Variants in ARSG observed in about 807,000 individuals in gnomAD.
The protein encoded by ARSG is arylsulfatase G.
Under a neutral mutation model 50.5 loss-of-function variants are expected in ARSG, and 37 were observed. The observed-to-expected ratio is 0.73, with a 90% CI of 0.56 to 0.96. ARSG has a LOEUF of 0.96. Ranked by LOEUF, ARSG falls within the 50% of genes least tolerant of loss-of-function variation. The pLI is 0.00. For missense variants in ARSG, 629 were observed against 675.3 expected, an observed-to-expected ratio of 0.93 and a Z score of 0.76; for synonymous variants, 225 against 254.6, an observed-to-expected ratio of 0.88 and a Z score of 1.11.
At chr17:68,406,035 GC>G (rs760964862) in intron 11 of ARSG, among the ~76,000 whole-genome samples, 2 of 151,866 alleles carry the variant, frequency 1.3e-5, no homozygotes, top group African/African-American at 2.4e-5. Context: ...TTCATCCCTT[GC>G]CCCCTCCCAC....
intron 1 of ARSG, chr17:68,277,993 T>TG: frequency 1.3e-6 from 1 of 775,240 alleles, no homozygotes; most frequent in Non-Finnish European, 2.1e-6. Context: ...TATAAGGGAA[T>TG]GAAAGCATCA....
downstream of ARSG, chr17:68,426,240 G>A: frequency 1.8e-6 from 2 of 1,131,484 alleles, no homozygotes; most frequent in Non-Finnish European, 2.6e-6. Context: ...TGACCTGGCG[G>A]GTGGGGAGCG....
the ARSG span, among the ~76,000 whole-genome samples, chr17:68,447,296 T>C: frequency 2.6e-5 from 4 of 152,192 alleles, no homozygotes; most frequent in African/African-American, 9.7e-5. Context: ...ATAAAATATA[T>C]TTCCTCAGTT....
Position 68,403,180 on chromosome 17 carries a change from G to A in ARSG, c.1303+1730G>A, listed in dbSNP as rs150981761. Among the ~76,000 whole-genome samples the A allele has an allele frequency of 1.7e-3, 259 of 152,186 alleles. 2 individuals are homozygous for A. The highest frequency in any genetic ancestry group is 5.8e-3 in the African/African-American group (240 of 41,528). On this transcript the variant is annotated intron_variant, in intron 11 of 11. Transcript: ENST00000621439. ...ACTCAGTCAGATATTTGTTGTTTTC[G>A]GTTGAAAAGTTTCTAGATTAGAGTC... is the stretch of plus-strand genomic sequence containing the variant.
the ARSG span, among the ~76,000 whole-genome samples, chr17:68,450,218 A>G: frequency 6.6e-6 from 1 of 152,216 alleles, no homozygotes; most frequent in Admixed American, 6.5e-5. Flanking sequence ...ATGAGAACCC[A>G]AGGCTGAATA....
At position 68,367,492 on chromosome 17, in the gene ARSG, C is replaced by CA. The variant is rs2079600591; in HGVS notation, c.705-1056_705-1055insA. ...CCCTTGTTTGGTGTCCTCTGAAAGACCCCCCATGGATGGATCTGTGGGAGA... is the reference window on the plus strand; with the variant it reads ...CCCTTGTTTGGTGTCCTCTGAAAGACACCCCCATGGATGGATCTGTGGGAGA... On this transcript the variant is annotated intron_variant, in intron 6 of 11. Coordinates refer to ENST00000621439, the MANE Select transcript of ARSG (RefSeq NM_001267727.2). The surrounding 1 kb of genome is among the most constrained non-coding windows in gnomAD (Gnocchi z 4.5). Among the ~76,000 whole-genome samples, 1 of 152,142 alleles carries CA rather than the reference C, an allele frequency of 6.6e-6. No homozygotes were observed. Among genetic ancestry groups the CA allele is most frequent in the African/African-American group, 2.4e-5 (1 of 41,440 alleles).
chr17:68,419,954 G>A (rs2082659993), intron 11 of ARSG, among the ~76,000 whole-genome samples: 1 of 152,088 alleles, frequency 6.6e-6, no homozygotes, highest in African/African-American at 2.4e-5. Context: ...GCCAGACCCT[G>A]CCTCAAAAAA....
Position 68,368,684 on chromosome 17 carries a change from G to C in ARSG, c.841G>C (p.Gly281Arg). 6.2e-7 allele frequency: 1 copy of C among 1,614,090 alleles called. No homozygotes were observed. The highest frequency in any genetic ancestry group is 8.5e-7 in the Non-Finnish European group (1 of 1,179,986). ...GCTCTGGGAGATGGACAGTCTGGTG[G>C]GCCAGATCAAGGACAAAGTTGACCA... ...AGLWEMDSLV[G>R]QIKDKVDHTV... The change falls in exon 7 of 12, where the codon GGC (glycine) becomes CGC (arginine). Residue 281 changes from glycine (G) to arginine (R), a missense_variant. By Grantham distance (125) the Gly-to-Arg change is moderately radical. Transcript: ENST00000621439.
At chr17:68,344,628 G>C (rs2078424578) in intron 3 of ARSG, among the ~76,000 whole-genome samples, 1 of 152,256 alleles carries the variant, frequency 6.6e-6, no homozygotes. Flanking sequence ...AGGTATATCT[G>C]TTCCCAGCCT....
At chr17:68,304,302 G>A (rs2076527163) in intron 1 of ARSG, among the ~76,000 whole-genome samples, 2 of 152,232 alleles carry the variant, frequency 1.3e-5, no homozygotes, top group Non-Finnish European at 2.9e-5. Flanking sequence ...CCTGAAAAGG[G>A]AGATGCCTTT....
At chr17:68,427,517 T>C (rs1600267438), downstream of ARSG, 1 of 264,076 alleles carries the variant, frequency 3.8e-6, no homozygotes, top group East Asian at 1.0e-4. Flanking sequence ...CCACAGCGCC[T>C]GGCTAATTTT....
chr17:68,398,018 C>T (rs1405135409), intron 10 of ARSG, among the ~76,000 whole-genome samples: 3 of 152,174 alleles, frequency 2.0e-5, no homozygotes, highest in Non-Finnish European at 2.9e-5. Context: ...CTGCCTGCCT[C>T]GGTCTCCCAA....
intron 2 of ARSG, among the ~76,000 whole-genome samples, chr17:68,320,404 T>G (rs1422249168): frequency 2.6e-5 from 4 of 152,100 alleles, no homozygotes. Context: ...ATGCTGAGAC[T>G]TAAAATGAAG....
Position 68,356,707 on chromosome 17 carries a change from C to A in ARSG, c.607C>A (p.Leu203Ile), listed in dbSNP as rs1466918576. The change falls in exon 6 of 12, where the codon CTT becomes ATT. Residue 203 changes from leucine (L) to isoleucine (I), a missense_variant. By Grantham distance (5) the Leu-to-Ile change is conservative. Transcript: ENST00000621439. The stretch of plus-strand genomic sequence containing the variant: ...CTGTTACACTGACGTGGCCCTCCCT[C>A]TTTATGAAAACCTCAACATTGTGGA... ...RDCYTDVALP[L>I]YENLNIVEQP... The A allele has an allele frequency of 1.2e-6, 2 of 1,614,228 alleles. No individual in the cohort carries two copies. The highest frequency in any genetic ancestry group is 2.2e-5 in the South Asian group (2 of 91,088).
At chr17:68,429,293 T>C in the ARSG span, among the ~76,000 whole-genome samples, 5 of 152,224 alleles carry the variant, frequency 3.3e-5, no homozygotes, top group Non-Finnish European at 5.9e-5. Flanking sequence ...AAATGGAGGA[T>C]TGGCTTACTG....
chr17:68,447,853 C>T, the ARSG span, among the ~76,000 whole-genome samples: 2 of 151,782 alleles, frequency 1.3e-5, no homozygotes, highest in South Asian at 2.1e-4. Flanking sequence ...ATTAGCCGGG[C>T]GTGGTGGCAG....
chr17:68,400,555 C>T (rs2081426741), intron 10 of ARSG: 1 of 149,938 alleles, frequency 6.7e-6, no homozygotes. Flanking sequence ...CTTGGAAATA[C>T]TTGTAAAACA....
chr17:68,366,677 A>ATGTGTG (rs3072873), intron 6 of ARSG, among the ~76,000 whole-genome samples: 1,618 of 148,338 alleles, frequency 0.011, 9 homozygotes, highest in African/African-American at 0.017. Flanking sequence ...GAATTTATGT[A>ATGTGTG]TGTGTGTGTG....
At chr17:68,387,819 C>A (rs1040674494) in intron 9 of ARSG, among the ~76,000 whole-genome samples, 6 of 152,162 alleles carry the variant, frequency 3.9e-5, no homozygotes, top group African/African-American at 1.4e-4. Flanking sequence ...CCTTGAGGCC[C>A]TGAGGAATTA....
Sources: allele counts gnomAD v4.1 joint callset (sites outside exome capture counted in the v4.1 genomes callset), GRCh38; gene constraint gnomAD v4.1.1; non-coding constraint Gnocchi (gnomAD v3.1); transcripts MANE v1.5; gene names NCBI Gene and HGNC (gene_info 2026-07-23, HGNC 2026-07-21).